Variants in FAM227B observed in about 807,000 individuals in gnomAD.
FAM227B encodes the protein family with sequence similarity 227 member B, also known as protein FAM227B.
FAM227B carries 88 observed loss-of-function variants against 73.8 expected under a neutral mutation model. That is an observed-to-expected ratio of 1.19 (90% CI 1.00 to 1.42). FAM227B has a LOEUF of 1.42. Ranked by LOEUF, FAM227B falls within the 40% of genes most tolerant of loss-of-function variation. The pLI is 0.00. For synonymous variants in FAM227B, 210 were observed against 190.5 expected (o/e 1.10, Z -0.84); for missense variants, 632 against 590.9 (o/e 1.07, Z -0.72).
rs1423240502 is a variant in FAM227B, at chr15:49,508,408, T to C, written c.875-60A>G. ...TTTGGATTTTGAAAATACCTTTTAA[T>C]TTGTCAAAGCATTTTTATGATAATT... is the stretch of plus-strand genomic sequence containing the variant. On this transcript the variant is annotated intron_variant, in intron 10 of 15. Transcript: ENST00000299338. 4 of 1,399,170 alleles carry C rather than the reference T, an allele frequency of 2.9e-6. No individual in the cohort carries two copies. The Admixed American group carries it at 7.6e-5, about 27-fold the overall frequency. 86.7% of individuals were successfully genotyped at this position (1,399,170 alleles called of 1,614,324 possible).
chr15:49,495,007 A>G (rs929033163), intron 11 of FAM227B, among the ~76,000 whole-genome samples: 2 of 152,218 alleles, frequency 1.3e-5, no homozygotes, highest in Non-Finnish European at 2.9e-5. Flanking sequence ...ATGCAAACTG[A>G]TGACTAAATC....
chr15:49,471,439 C>T (rs1392500594), intron 11 of FAM227B, among the ~76,000 whole-genome samples: 2 of 150,490 alleles, frequency 1.3e-5, no homozygotes, highest in South Asian at 4.2e-4. Context: ...ACCTAGATGG[C>T]GCCACTGCAC....
intron 7 of FAM227B, among the ~76,000 whole-genome samples, chr15:49,575,907 A>G (rs778432461): frequency 2.0e-5 from 3 of 152,228 alleles, no homozygotes; most frequent in Non-Finnish European, 4.4e-5. Flanking sequence ...GGCAGATTCA[A>G]TAGATTATTT....
intron 11 of FAM227B, chr15:49,489,451 G>A (rs1267127977): frequency 2.5e-6 from 2 of 814,822 alleles, no homozygotes; most frequent in East Asian, 1.3e-4. Flanking sequence ...AGCCTGAGAT[G>A]TGGCTACTTA....
At chr15:49,339,099 T>C (rs1333965427) in intron 13 of FAM227B, among the ~76,000 whole-genome samples, 1 of 152,188 alleles carries the variant, frequency 6.6e-6, no homozygotes, top group African/African-American at 2.4e-5. Flanking sequence ...CGCAGGAGTT[T>C]GTTATTACCC....
intron 11 of FAM227B, among the ~76,000 whole-genome samples, chr15:49,435,510 T>A (rs1169799974): frequency 6.6e-6 from 1 of 151,576 alleles, no homozygotes; most frequent in African/African-American, 2.4e-5. Flanking sequence ...TATGTCTTTG[T>A]TTTTGCAAAA....
At chr15:49,499,934 G>C (rs972770080) in intron 11 of FAM227B, among the ~76,000 whole-genome samples, 2 of 152,074 alleles carry the variant, frequency 1.3e-5, no homozygotes, top group African/African-American at 2.4e-5. Flanking sequence ...ATGTGAAATT[G>C]GGTTCACAAA....
chr15:49,411,265 C>A (rs1346374441), intron 11 of FAM227B, among the ~76,000 whole-genome samples: 1 of 151,886 alleles, frequency 6.6e-6, no homozygotes, highest in Non-Finnish European at 1.5e-5. Flanking sequence ...AAGATGATTT[C>A]TCATTCTAAA....
chr15:49,436,951 A>G (rs1042531503), intron 11 of FAM227B, among the ~76,000 whole-genome samples: 1 of 151,622 alleles, frequency 6.6e-6, no homozygotes, highest in African/African-American at 2.4e-5. Context: ...ACTTACTCCA[A>G]GTTTCCTTGT....
At chr15:49,607,339 T>G (rs1223850356) in intron 3 of FAM227B, among the ~76,000 whole-genome samples, 1 of 152,118 alleles carries the variant, frequency 6.6e-6, no homozygotes, top group Non-Finnish European at 1.5e-5. Context: ...CATAGCCACT[T>G]GGGAAAGTTT....
rs1193962285 is a variant in FAM227B, at chr15:49,396,506, A to T, written c.1013-25107T>A. The T allele has an allele frequency of 1.4e-3, 235 of 167,262 alleles. 1 individual carries two copies. The highest frequency in any genetic ancestry group is 2.4e-3 in the Admixed American group (41 of 17,296). The allele number at this position is 167,262 out of a possible 1,614,324, so 10.4% of individuals were successfully genotyped here. On this transcript the variant is annotated intron_variant, in intron 11 of 15. Transcript: ENST00000299338. ...GGGTGGAGCCCACCACAGCTCAAGG[A>T]GGCCTGCCTGCCTCTGTAGGCTCCA...
At chr15:49,424,740 C>G in intron 11 of FAM227B, 1 of 535,230 alleles carries the variant, frequency 1.9e-6, no homozygotes, top group Non-Finnish European at 3.1e-6. Flanking sequence ...AACTATGCCC[C>G]TAAAAATATC....
At chr15:49,610,093 A>G (rs923974328) in intron 3 of FAM227B, among the ~76,000 whole-genome samples, 1 of 152,036 alleles carries the variant, frequency 6.6e-6, no homozygotes, top group East Asian at 1.9e-4. Flanking sequence ...ATCATTCTCA[A>G]TTTAAGCAAA....
chr15:49,384,305 CTAGTAGCAAAAACTGCTATA>C (rs2046737960), intron 11 of FAM227B, among the ~76,000 whole-genome samples: 1 of 152,040 alleles, frequency 6.6e-6, no homozygotes, highest in South Asian at 2.1e-4. Flanking sequence ...TCTTTGAGCA[CTAGTAGCAAAAACTGCTATA>C]TATTATCACT....
At chr15:49,381,492 G>A (rs927968237) in intron 11 of FAM227B, among the ~76,000 whole-genome samples, 1 of 152,176 alleles carries the variant, frequency 6.6e-6, no homozygotes, top group African/African-American at 2.4e-5. Context: ...ACATCCATGA[G>A]AAGTAATAGC....
intron 11 of FAM227B, among the ~76,000 whole-genome samples, chr15:49,461,432 G>A (rs1054020605): frequency 3.3e-5 from 5 of 151,908 alleles, no homozygotes; most frequent in African/African-American, 1.2e-4. Context: ...ACTATAAAAA[G>A]AGGAGTGGCT....
chr15:49,528,612 A>G (rs1157798301), intron 10 of FAM227B, among the ~76,000 whole-genome samples: 1 of 151,752 alleles, frequency 6.6e-6, no homozygotes, highest in Admixed American at 6.6e-5. Context: ...CAAAGGACTA[A>G]TTTTCACAAT....
At chr15:49,612,339 G>A (rs760100146) in intron 2 of FAM227B, among the ~76,000 whole-genome samples, 2 of 152,054 alleles carry the variant, frequency 1.3e-5, no homozygotes, top group African/African-American at 2.4e-5. Flanking sequence ...GAGAACATGC[G>A]GTGTTTGTTT....
intron 13 of FAM227B, among the ~76,000 whole-genome samples, chr15:49,358,715 T>C (rs755691615): frequency 2.0e-5 from 3 of 151,688 alleles, no homozygotes; most frequent in African/African-American, 7.2e-5. Context: ...AATGACTTTC[T>C]TCACAGAATT....
Sources: gnomAD v4.1 joint callset for allele counts (sites outside exome capture counted in the v4.1 genomes callset) on GRCh38, gnomAD v4.1.1 for gene constraint, MANE v1.5 for transcripts, NCBI Gene and HGNC (gene_info 2026-07-23, HGNC 2026-07-21) for gene names.